Variants in FNDC3B observed in about 807,000 individuals in gnomAD.
The protein encoded by FNDC3B is fibronectin type III domain-containing protein 3B.
Under a neutral mutation model 151.5 loss-of-function variants are expected in FNDC3B, and 12 were observed. The ratio of observed to expected loss-of-function variants is 0.08; its 90% confidence interval spans 0.05 to 0.13. The LOEUF (loss-of-function observed/expected upper bound fraction) is 0.13, where lower values mean the gene tolerates loss of function less well. FNDC3B is among the 10% of genes least tolerant of loss of function. The pLI is 1.00. For missense variants in FNDC3B, 1,214 were observed against 1,505.3 expected, an observed-to-expected ratio of 0.81 and a Z score of 3.20; for synonymous variants, 528 against 549.0, an observed-to-expected ratio of 0.96 and a Z score of 0.54.
chr3:172,313,699 T>C (rs1001700382), intron 11 of FNDC3B, among the ~76,000 whole-genome samples: 62 of 152,310 alleles, frequency 4.1e-4, no homozygotes, highest in Non-Finnish European at 1.5e-5. Context: ...GCTTCTCAAA[T>C]TGTTCTGTCC....
In FNDC3B at chr3:172,131,722, A is replaced by G. The variant is rs78624977; in HGVS notation, c.112-1749A>G. Among the ~76,000 whole-genome samples the G allele has an allele frequency of 9.0e-3, 1,375 of 152,354 alleles. 15 individuals are homozygous for G. Among genetic ancestry groups the G allele is most frequent in the Middle Eastern group, 0.024 (7 of 294 alleles). On this transcript the variant is annotated intron_variant, in intron 2 of 25. Transcript: ENST00000415807. Reference sequence around the variant, plus strand: ...TGAATTATTAGAAGAGGCAAAATACATGGATATTAAAGATTGAGTATTTAA... The same window carrying G: ...TGAATTATTAGAAGAGGCAAAATACGTGGATATTAAAGATTGAGTATTTAA...
chr3:172,045,970 G>A (rs1295497660), intron 1 of FNDC3B, among the ~76,000 whole-genome samples: 2 of 152,112 alleles, frequency 1.3e-5, no homozygotes, highest in Non-Finnish European at 2.9e-5. Context: ...TACCTCCAGT[G>A]AGATGCCAGA....
chr3:172,232,297 TAATTA>T (rs1304004590), intron 4 of FNDC3B, among the ~76,000 whole-genome samples: 1 of 152,246 alleles, frequency 6.6e-6, no homozygotes, highest in African/African-American at 2.4e-5. Flanking sequence ...ATTTGTTGTA[TAATTA>T]AATAGCCGAA....
At chr3:172,382,340 G>A (rs928672962) in intron 25 of FNDC3B, among the ~76,000 whole-genome samples, 3 of 152,162 alleles carry the variant, frequency 2.0e-5, no homozygotes, top group South Asian at 2.1e-4. Flanking sequence ...GTAAATTTGT[G>A]TAAGGTCCTT....
chr3:172,337,522 A>G (rs1733047531), intron 16 of FNDC3B, 121 bp downstream of exon 16: 8 of 699,312 alleles, frequency 1.1e-5, no homozygotes, highest in South Asian at 5.5e-5. Flanking sequence ...TATTATTACA[A>G]TAAACAAACT....
At chr3:172,300,018 A>T (rs1478631879) in intron 9 of FNDC3B, among the ~76,000 whole-genome samples, 3 of 152,262 alleles carry the variant, frequency 2.0e-5, no homozygotes, top group Non-Finnish European at 4.4e-5. Flanking sequence ...CATAAAGTGC[A>T]CATCTGCTCA....
intron 23 of FNDC3B, among the ~76,000 whole-genome samples, chr3:172,367,375 A>G (rs1452944971): frequency 6.6e-6 from 1 of 152,178 alleles, no homozygotes; most frequent in Non-Finnish European, 1.5e-5. Context: ...ATTAACATCA[A>G]ACAATAAGCA....
chr3:172,114,477 T>C (rs1720143793), intron 2 of FNDC3B, among the ~76,000 whole-genome samples: 1 of 152,212 alleles, frequency 6.6e-6, no homozygotes, highest in Non-Finnish European at 1.5e-5. Context: ...GTTTTGTTGA[T>C]TTCTCCCACA....
At chr3:172,383,052 CTTTGGGCAGTATGGCCAT>C (rs1735540632) in intron 25 of FNDC3B, among the ~76,000 whole-genome samples, 1 of 152,160 alleles carries the variant, frequency 6.6e-6, no homozygotes, top group African/African-American at 2.4e-5. Flanking sequence ...CTATAAATTA[CTTTGGGCAGTATGGCCAT>C]TTTCACGATA....
chr3:172,332,306 A>G (rs942677561), intron 13 of FNDC3B, among the ~76,000 whole-genome samples: 1 of 152,178 alleles, frequency 6.6e-6, no homozygotes, highest in Non-Finnish European at 1.5e-5. Context: ...CTTAAATTCA[A>G]AGAGCCACAT....
In FNDC3B at chr3:172,220,291, T is replaced by C. The variant is rs1321029455; in HGVS notation, c.188-6580T>C. 2.6e-5 allele frequency among the ~76,000 whole-genome samples: 4 copies of C among 152,198 alleles called. No homozygotes were observed. The East Asian group carries it at 7.7e-4, about 29-fold the overall frequency. On this transcript the variant is annotated intron_variant, in intron 3 of 25. Coordinates refer to ENST00000415807, the MANE Select transcript of FNDC3B (RefSeq NM_022763.4). ...TTGAGCATCTTCTTATGTGTGTGCA[T>C]GTGTTTGTGTGTTGGCTATTTACAT...
rs1715984158 is a variant in FNDC3B at position 172,040,568 on chromosome 3, G to C, written c.-29+797G>C. On this transcript the variant is annotated intron_variant, in intron 1 of 25. Transcript: ENST00000415807. This position sits in a 1 kb window ranked among gnomAD's most constrained non-coding sequence, Gnocchi z 6.6. ...CCGGCGGCTGGAAGCTCGGGCGGGGGAGCGGGGCGCGGCGGGAAGGAGCGG... is the reference window on the plus strand; with the variant it reads ...CCGGCGGCTGGAAGCTCGGGCGGGGCAGCGGGGCGCGGCGGGAAGGAGCGG... The C allele has an allele frequency of 6.6e-6, 1 of 152,154 alleles. No individual in the cohort carries two copies. The highest frequency in any genetic ancestry group is 2.4e-5 in the African/African-American group (1 of 41,494). The allele number at this position is 152,154 out of a possible 1,614,324, so 9.4% of individuals were successfully genotyped here. A position where few individuals can be genotyped will look rare whatever the true frequency, so the allele number is the denominator to read the frequency against.
intron 2 of FNDC3B, among the ~76,000 whole-genome samples, chr3:172,132,409 G>A (rs1208971134): frequency 6.6e-6 from 1 of 152,030 alleles, no homozygotes; most frequent in Non-Finnish European, 1.5e-5. Flanking sequence ...TTTTGTGGTG[G>A]TGGTGGTTGT....
At chr3:172,187,613 CAT>C (rs1310091688) in intron 3 of FNDC3B, among the ~76,000 whole-genome samples, 6 of 152,336 alleles carry the variant, frequency 3.9e-5, no homozygotes, top group Admixed American at 3.9e-4. Flanking sequence ...AGCCCAAAAA[CAT>C]ATTGCAGATG....
chr3:172,271,551 C>A (rs1560050451), intron 6 of FNDC3B, among the ~76,000 whole-genome samples: 1 of 152,146 alleles, frequency 6.6e-6, no homozygotes, highest in Non-Finnish European at 1.5e-5. Flanking sequence ...TGAAAACATT[C>A]TTTTCTAATT....
intron 6 of FNDC3B, among the ~76,000 whole-genome samples, chr3:172,263,465 G>C (rs1161588487): frequency 6.6e-6 from 1 of 151,606 alleles, no homozygotes; most frequent in Non-Finnish European, 1.5e-5. Flanking sequence ...TTTATCTTTT[G>C]TTGGAATGTT....
chr3:172,237,879 CT>C (rs1184831144), intron 4 of FNDC3B, among the ~76,000 whole-genome samples: 1 of 152,132 alleles, frequency 6.6e-6, no homozygotes, highest in African/African-American at 2.4e-5. Flanking sequence ...GCAGGATAAT[CT>C]TTTTTTGTTA....
chr3:172,075,574 A>C (rs367743837), intron 1 of FNDC3B, among the ~76,000 whole-genome samples: 6 of 152,134 alleles, frequency 3.9e-5, no homozygotes, highest in African/African-American at 1.4e-4. Flanking sequence ...TTTAGAAGGA[A>C]TCAGTTAATT....
In FNDC3B at chr3:172,297,820, C is replaced by T. The variant is rs111338335; in HGVS notation, c.1002-908C>T. On this transcript the variant is annotated intron_variant, in intron 8 of 25. Transcript: ENST00000415807. ...TGTAATGGTCCCTTACTACAAAATA[C>T]TTCAGGATATTTCCTATAAGAATTT... 7.0e-3 allele frequency among the ~76,000 whole-genome samples: 1,064 copies of T among 152,230 alleles called. 4 individuals are homozygous for T. Among genetic ancestry groups the T allele is most frequent in the African/African-American group, 0.024 (1,011 of 41,528 alleles).
Sources: gnomAD v4.1 joint callset for allele counts (sites outside exome capture counted in the v4.1 genomes callset) on GRCh38, gnomAD v4.1.1 for gene constraint, Gnocchi (gnomAD v3.1) non-coding constraint, MANE v1.5 for transcripts, NCBI Gene and HGNC (gene_info 2026-07-23, HGNC 2026-07-21) for gene names.